IGF1R: variants seen among roughly 807,000 people sequenced by gnomAD.
IGF1R encodes the protein insulin-like growth factor 1 receptor.
IGF1R carries 44 observed loss-of-function variants against 144.6 expected under a neutral mutation model. That is an observed-to-expected ratio of 0.30 (90% confidence interval 0.24 to 0.39). The LOEUF (loss-of-function observed/expected upper bound fraction) is 0.39. Among genes scored for constraint, IGF1R ranks in the 10% least tolerant of loss-of-function variants. IGF1R has a pLI of 1.00. For missense variants in IGF1R, 1,355 were observed against 1,833.7 expected (o/e 0.74, Z 4.77); for synonymous variants, 795 against 722.8 (o/e 1.10, Z -1.60).
At chr15:98,854,509 T>TA (rs2011684700) in intron 2 of IGF1R, among the ~76,000 whole-genome samples, 1 of 152,306 alleles carries the variant, frequency 6.6e-6, no homozygotes, top group South Asian at 2.1e-4. Context: ...CGGCCCTTCA[T>TA]ATGAGCTTTG....
chr15:98,857,006 T>C (rs2011856062), intron 2 of IGF1R, among the ~76,000 whole-genome samples: 2 of 152,150 alleles, frequency 1.3e-5, no homozygotes, highest in Admixed American at 1.3e-4. Context: ...TCTTAAGTTT[T>C]GGGTGAGAGA....
intron 1 of IGF1R, among the ~76,000 whole-genome samples, chr15:98,675,715 GT>G (rs1428703064): frequency 6.6e-6 from 1 of 151,494 alleles, no homozygotes; most frequent in African/African-American, 2.4e-5. Context: ...TTGTAGTTAA[GT>G]GAAGTAAGAT....
intron 1 of IGF1R, among the ~76,000 whole-genome samples, chr15:98,654,047 T>C (rs2052429818): frequency 6.6e-6 from 1 of 152,238 alleles, no homozygotes; most frequent in African/African-American, 2.4e-5. Context: ...AAATTCAGAT[T>C]TTTTTTCAGA....
chr15:98,954,602 T>C (rs536042493), intron 20 of IGF1R, among the ~76,000 whole-genome samples: 2 of 152,128 alleles, frequency 1.3e-5, no homozygotes, highest in Non-Finnish European at 2.9e-5. Context: ...ATGGCTTGTT[T>C]GTGCTGATGT....
intron 20 of IGF1R, among the ~76,000 whole-genome samples, chr15:98,949,310 A>T (rs1160622716): frequency 6.6e-6 from 1 of 151,474 alleles, no homozygotes; most frequent in East Asian, 1.9e-4. Flanking sequence ...GTGGACCTGG[A>T]GCGTGTGTGA....
At chr15:98,797,853 C>T (rs1177056924) in intron 2 of IGF1R, among the ~76,000 whole-genome samples, 1 of 152,106 alleles carries the variant, frequency 6.6e-6, no homozygotes, top group Non-Finnish European at 1.5e-5. Context: ...TAATGTCAGA[C>T]AGTGGTAAGT....
chr15:98,960,131 A>G lies in IGF1R; in HGVS notation c.*2689A>G. 4.3e-6 allele frequency: 1 copy of G among 233,700 alleles called. No homozygotes were observed. The highest frequency in any genetic ancestry group is 6.0e-5 in the East Asian group (1 of 16,592). The allele number at this position is 233,700 out of a possible 1,614,324, so 14.5% of individuals were successfully genotyped here. A position where few individuals can be genotyped will look rare whatever the true frequency, so the allele number is the denominator to read the frequency against. On this transcript the variant is annotated 3_prime_UTR_variant, in exon 21 of 21. Coordinates refer to ENST00000650285, the MANE Select transcript of IGF1R (RefSeq NM_000875.5). Reference sequence around the variant, plus strand: ...CATCTCACCTTTCTCAGCACCTGACAATAGGCCGTTGATACTGGTAACCTC... The same window carrying G: ...CATCTCACCTTTCTCAGCACCTGACGATAGGCCGTTGATACTGGTAACCTC...
At position 98,746,800 on chromosome 15, in the gene IGF1R, G is replaced by GGT. The variant is rs1386577154; in HGVS notation, c.640+38694_640+38695dup. On this transcript the variant is annotated intron_variant, in intron 2 of 20. Transcript: ENST00000650285. ...AGAGTTGAGGCCCCCAGGTGCATGT[G>GGT]GTAAAGAATTCAAAGGGCTAAATGG... Among the ~76,000 whole-genome samples the GGT allele has an allele frequency of 2.0e-4, 31 of 152,240 alleles. No homozygotes were observed. In the East Asian group the frequency reaches 5.4e-3, roughly 27 times the overall value.
intron 2 of IGF1R, among the ~76,000 whole-genome samples, chr15:98,760,848 C>T (rs1041785451): frequency 6.6e-6 from 1 of 152,204 alleles, no homozygotes; most frequent in Non-Finnish European, 1.5e-5. Context: ...CGATACAGAC[C>T]AAATAATACC....
intron 2 of IGF1R, among the ~76,000 whole-genome samples, chr15:98,881,353 C>G (rs533911785): frequency 1.3e-5 from 2 of 152,248 alleles, no homozygotes; most frequent in African/African-American, 4.8e-5. Flanking sequence ...TGGAGTCTCA[C>G]TCTGTCACCC....
chr15:98,929,602 G>A lies in IGF1R; in HGVS notation c.2827G>A (p.Ala943Thr), dbSNP rs761063787. The A allele has an allele frequency of 1.7e-5, 28 of 1,613,980 alleles. No individual in the cohort carries two copies. The highest frequency in any genetic ancestry group is 2.2e-5 in the South Asian group (2 of 91,088). Residue 943 changes from alanine (A) to threonine (T), a missense_variant, in exon 14 of 21, where the codon GCT becomes ACT. This residue lies in a region of IGF1R where 880 missense variants were observed against 1,202.7 expected (regional missense o/e 0.73). Coordinates refer to ENST00000650285, the MANE Select transcript of IGF1R (RefSeq NM_000875.5). Reference sequence around the variant, plus strand: ...CCATCTGATCATCGCTCTGCCCGTCGCTGTCCTGTTGATCGTGGGAGGGTT... The same window carrying A: ...CCATCTGATCATCGCTCTGCCCGTCACTGTCCTGTTGATCGTGGGAGGGTT... The part of the protein sequence containing the change: ...FIHLIIALPV[A>T]VLLIVGGLVI...
chr15:98,771,090 A>G (rs2055571721), intron 2 of IGF1R, among the ~76,000 whole-genome samples: 1 of 152,170 alleles, frequency 6.6e-6, no homozygotes, highest in Admixed American at 6.5e-5. Context: ...TTGTTGTTGT[A>G]TGAGGAAGTG....
chr15:98,815,336 T>C (rs1054665544), intron 2 of IGF1R, among the ~76,000 whole-genome samples: 5 of 152,218 alleles, frequency 3.3e-5, no homozygotes, highest in Admixed American at 2.0e-4. Flanking sequence ...TAACAACCTC[T>C]TCCTGTTGCT....
intron 2 of IGF1R, among the ~76,000 whole-genome samples, chr15:98,856,326 A>C (rs1567163760): frequency 6.6e-6 from 1 of 152,222 alleles, no homozygotes; most frequent in Non-Finnish European, 1.5e-5. Context: ...AGTCTTCACC[A>C]GGGGAGCTTT....
intron 2 of IGF1R, among the ~76,000 whole-genome samples, chr15:98,860,588 C>T (rs1191630690): frequency 1.3e-5 from 2 of 152,202 alleles, no homozygotes; most frequent in African/African-American, 4.8e-5. Context: ...TCATTTCTGG[C>T]CAACTTGAGG....
intron 1 of IGF1R, among the ~76,000 whole-genome samples, chr15:98,659,636 C>G (rs1200727666): frequency 6.6e-6 from 1 of 152,146 alleles, no homozygotes; most frequent in Non-Finnish European, 1.5e-5. Flanking sequence ...CTAAGTGATG[C>G]AGACAGGCGC....
In IGF1R at chr15:98,696,861, G is replaced by C. The variant is rs935063298; in HGVS notation, c.95-10701G>C. ...GGCTGCTGTCTGGCTGGGCTGGTGG[G>C]CAGAGGTTCCTGTGGGTGTGGATGG... On this transcript the variant is annotated intron_variant, in intron 1 of 20. Coordinates refer to ENST00000650285, the MANE Select transcript of IGF1R (RefSeq NM_000875.5). Among the ~76,000 whole-genome samples, 4 of 152,188 alleles carry C rather than the reference G, an allele frequency of 2.6e-5. No individual in the cohort carries two copies. In the South Asian group the frequency reaches 8.3e-4, roughly 32 times the overall value.
Position 98,915,811 on chromosome 15 carries a change from A to G in IGF1R, c.1829-153A>G, listed in dbSNP as rs181587836. Among the ~76,000 whole-genome samples, 6 of 152,376 alleles carry G rather than the reference A, an allele frequency of 3.9e-5. No homozygotes were observed. In the East Asian group the frequency reaches 7.7e-4, roughly 20 times the overall value. Reference sequence around the variant, plus strand: ...GCATTTATAGTAGTACTATTTCAAAATAAGGTTCACTTTTCACTTTGTATT... The same window carrying G: ...GCATTTATAGTAGTACTATTTCAAAGTAAGGTTCACTTTTCACTTTGTATT... On this transcript the variant is annotated intron_variant, in intron 8 of 20. Coordinates refer to ENST00000650285, the MANE Select transcript of IGF1R (RefSeq NM_000875.5).
At chr15:98,699,377 C>A (rs1449984005) in intron 1 of IGF1R, among the ~76,000 whole-genome samples, 1 of 152,140 alleles carries the variant, frequency 6.6e-6, no homozygotes, top group Non-Finnish European at 1.5e-5. Context: ...AGCCAGCCAC[C>A]CATGGGAACT....
Sources: gnomAD v4.1 joint callset for allele counts (sites outside exome capture counted in the v4.1 genomes callset) on GRCh38, gnomAD v4.1.1 for gene constraint, gnomAD v4.1.1 regional missense constraint, MANE v1.5 for transcripts, NCBI Gene and HGNC (gene_info 2026-07-23, HGNC 2026-07-21) for gene names.